LINGO2: variants seen among roughly 807,000 people sequenced by gnomAD.
LINGO2 encodes leucine-rich repeat and immunoglobulin-like domain-containing nogo receptor-interacting protein 2.
Under a neutral mutation model 30.6 loss-of-function variants are expected in LINGO2, and 14 were observed. That is an observed-to-expected ratio of 0.46 (90% CI 0.30 to 0.72). The LOEUF (loss-of-function observed/expected upper bound fraction) is 0.72. LINGO2 is among the 30% of genes least tolerant of loss of function. The pLI, the probability that LINGO2 is intolerant of heterozygous loss-of-function variation, is 0.07. For synonymous variants in LINGO2, 317 were observed against 288.5 expected, an observed-to-expected ratio of 1.10 and a Z score of -1.00; for missense variants, 729 against 751.7, an observed-to-expected ratio of 0.97 and a Z score of 0.35.
At chr9:28,871,646 C>T in the LINGO2 span, among the ~76,000 whole-genome samples, 10 of 151,838 alleles carry the variant, frequency 6.6e-5, no homozygotes, top group Non-Finnish European at 1.5e-5. Flanking sequence ...CATCTTCAAA[C>T]CTCTGAGGTT....
intron 1 of LINGO2, among the ~76,000 whole-genome samples, chr9:28,595,574 A>G (rs1825134723): frequency 6.6e-6 from 1 of 152,124 alleles, no homozygotes; most frequent in Admixed American, 6.6e-5. Context: ...CAGTTATACT[A>G]TTATACCAAT....
At chr9:29,118,849 C>T in the LINGO2 span, among the ~76,000 whole-genome samples, 6 of 152,290 alleles carry the variant, frequency 3.9e-5, no homozygotes, top group African/African-American at 1.2e-4. Flanking sequence ...TGAATCAGTC[C>T]TGCCTGCCCA....
chr9:28,475,243 A>T (rs1825684643), intron 2 of LINGO2, among the ~76,000 whole-genome samples: 1 of 152,244 alleles, frequency 6.6e-6, no homozygotes, highest in African/African-American at 2.4e-5. Flanking sequence ...GTCATCATAT[A>T]CTAAGTAATA....
intron 4 of LINGO2, among the ~76,000 whole-genome samples, chr9:28,257,545 T>C (rs888743191): frequency 6.6e-6 from 1 of 152,012 alleles, no homozygotes; most frequent in Non-Finnish European, 1.5e-5. Context: ...GGTTTCTTTA[T>C]AATTCAGTAA....
In LINGO2 at chr9:28,397,543, CTTTTTTTTT is replaced by C. The variant is rs386414751; in HGVS notation, c.-278-24684_-278-24676del. Among the ~76,000 whole-genome samples the C allele has an allele frequency of 1.9e-4, 21 of 110,026 alleles. 1 individual carries two copies. Among genetic ancestry groups the C allele is most frequent in the African/African-American group, 6.9e-4 (19 of 27,556 alleles). 72.2% of individuals were successfully genotyped at this position (110,026 alleles called of 152,430 possible). On this transcript the variant is annotated intron_variant, in intron 2 of 5. Coordinates refer to ENST00000379992, the Ensembl canonical transcript of LINGO2. ...CAATACCATGCTGTACAATAGATGTCTTTTTTTTTTTTTTTTTTTTTTGAGACGGAGTCT... is the reference window on the plus strand; with the variant it reads ...CAATACCATGCTGTACAATAGATGTCTTTTTTTTTTTTTGAGACGGAGTCT...
intron 3 of LINGO2, among the ~76,000 whole-genome samples, chr9:28,356,842 C>T (rs1356998110): frequency 1.3e-5 from 2 of 151,988 alleles, no homozygotes; most frequent in African/African-American, 4.8e-5. Context: ...TATTTCTAAC[C>T]TCTGGAGAGA....
At chr9:28,802,781 C>T in the LINGO2 span, among the ~76,000 whole-genome samples, 21 of 152,162 alleles carry the variant, frequency 1.4e-4, 1 homozygote, top group South Asian at 4.1e-4. Flanking sequence ...GAAGCAAGGA[C>T]GGGGCTTGTA....
chr9:28,803,626 G>C, the LINGO2 span, among the ~76,000 whole-genome samples: 2 of 151,916 alleles, frequency 1.3e-5, no homozygotes, highest in Admixed American at 6.6e-5. Context: ...ATTTCCTAAA[G>C]TAACATGGCT....
At chr9:28,379,753 T>G (rs1360580007) in intron 2 of LINGO2, among the ~76,000 whole-genome samples, 1 of 152,106 alleles carries the variant, frequency 6.6e-6, no homozygotes, top group Non-Finnish European at 1.5e-5. Context: ...TTGCTTTTAG[T>G]TGAAGATACC....
the LINGO2 span, among the ~76,000 whole-genome samples, chr9:28,914,846 A>G: frequency 1.3e-5 from 2 of 152,164 alleles, no homozygotes; most frequent in African/African-American, 4.8e-5. Flanking sequence ...AAAGATAGTC[A>G]CAAACGCTGG....
intron 2 of LINGO2, among the ~76,000 whole-genome samples, chr9:28,468,183 G>A (rs945121845): frequency 2.6e-5 from 4 of 152,078 alleles, no homozygotes. Context: ...CATTAAAAAT[G>A]GTAAGAAATT....
chr9:28,695,730 G>A, the LINGO2 span, among the ~76,000 whole-genome samples: 2 of 147,702 alleles, frequency 1.4e-5, no homozygotes, highest in Non-Finnish European at 3.0e-5. Flanking sequence ...AATATCTGGA[G>A]TATAAAGAGC....
chr9:28,168,719 C>T (rs911593292), intron 4 of LINGO2, among the ~76,000 whole-genome samples: 31 of 152,330 alleles, frequency 2.0e-4, no homozygotes, highest in African/African-American at 5.3e-4. Context: ...TGGCTGATGC[C>T]GAGGCCTACA....
At chr9:29,031,088 TG>T in the LINGO2 span, among the ~76,000 whole-genome samples, 2 of 152,154 alleles carry the variant, frequency 1.3e-5, no homozygotes, top group African/African-American at 2.4e-5. Flanking sequence ...CCATGAATCC[TG>T]GTTGTCATAT....
At chr9:28,596,188 A>G (rs764770944) in intron 1 of LINGO2, among the ~76,000 whole-genome samples, 1 of 152,232 alleles carries the variant, frequency 6.6e-6, no homozygotes, top group Admixed American at 6.5e-5. Context: ...CTTTTTTCAT[A>G]CCTAATATAT....
the LINGO2 span, among the ~76,000 whole-genome samples, chr9:28,767,856 C>G: frequency 6.7e-6 from 1 of 149,010 alleles, no homozygotes; most frequent in Non-Finnish European, 1.5e-5. Context: ...TCCTCCATCT[C>G]TTTCTTTTTC....
At chr9:28,076,864 C>T (rs1441558217) in intron 4 of LINGO2, among the ~76,000 whole-genome samples, 1 of 152,052 alleles carries the variant, frequency 6.6e-6, no homozygotes, top group African/African-American at 2.4e-5. Flanking sequence ...CATCTTTTCC[C>T]CTCTGGCTGC....
At chr9:28,104,255 G>GTTTTTTTTTTT (rs1453019033) in intron 4 of LINGO2, among the ~76,000 whole-genome samples, 4 of 75,162 alleles carry the variant, frequency 5.3e-5, no homozygotes, top group Non-Finnish European at 1.1e-4. Context: ...CCCAGTACAA[G>GTTTTTTTTTTT]TTTTTTGTTT....
At chr9:28,400,878 A>G (rs1357639790) in intron 2 of LINGO2, among the ~76,000 whole-genome samples, 1 of 152,192 alleles carries the variant, frequency 6.6e-6, no homozygotes, top group Non-Finnish European at 1.5e-5. Flanking sequence ...GTTACACAGA[A>G]CTGCAAATAA....
Sources: gnomAD v4.1 joint callset for allele counts (sites outside exome capture counted in the v4.1 genomes callset) on GRCh38, gnomAD v4.1.1 for gene constraint, MANE v1.5 for transcripts, NCBI Gene and HGNC (gene_info 2026-07-23, HGNC 2026-07-21) for gene names.